The following PM20D2 variants were observed in gnomAD, a reference collection of about 807,000 sequenced individuals.
PM20D2 encodes xaa-Arg dipeptidase.
In PM20D2, 33 loss-of-function variants were observed where a neutral mutation model predicts 42.9. The observed-to-expected ratio is 0.77, with a 90% confidence interval of 0.58 to 1.03. PM20D2 has a LOEUF of 1.03. Among genes scored for constraint, PM20D2 ranks in the 50% least tolerant of loss-of-function variants. The probability of loss-of-function intolerance (pLI) is 0.00; values close to 1 mark genes in which losing one functional copy is unlikely to be tolerated. For missense variants in PM20D2, 548 were observed against 557.0 expected (o/e 0.98, Z 0.16); for synonymous variants, 250 against 228.2 (o/e 1.10, Z -0.86).
Position 89,149,452 on chromosome 6 carries a change from A to T in PM20D2, c.614+39A>T, listed in dbSNP as rs779832596. ...TTGAAGATAAACTTCTTAGGGGAACACAGGCTATAGAATACTTTTATGTCT... is the reference window on the plus strand; with the variant it reads ...TTGAAGATAAACTTCTTAGGGGAACTCAGGCTATAGAATACTTTTATGTCT... On this transcript the variant is annotated intron_variant, in intron 2 of 6. Transcript: ENST00000275072. 8 of 1,605,322 alleles carry T rather than the reference A, an allele frequency of 5.0e-6. No individual in the cohort carries two copies. In the South Asian group the frequency reaches 7.8e-5, roughly 16 times the overall value.
chr6:89,121,731 A>G, the PM20D2 span, among the ~76,000 whole-genome samples: 1 of 152,156 alleles, frequency 6.6e-6, no homozygotes, highest in African/African-American at 2.4e-5. Context: ...CTGTTCCCAT[A>G]ACAAAAGCCT....
rs1209776653 is a variant in PM20D2, at chr6:89,165,453, T to A, written c.*3190T>A. ...ATGGTGTATTTTGATATGTATGAAG[T>A]TAATATTTTCAAGTAAGCAATCAGT... On this transcript the variant is annotated 3_prime_UTR_variant, in exon 7 of 7. Transcript: ENST00000275072. 1 of 152,192 alleles carries A rather than the reference T, an allele frequency of 6.6e-6. No individual in the cohort carries two copies. The highest frequency in any genetic ancestry group is 2.4e-5 in the African/African-American group (1 of 41,458). 9.4% of individuals were successfully genotyped at this position (152,192 alleles called of 1,614,324 possible).
chr6:89,120,312 C>A, the PM20D2 span, among the ~76,000 whole-genome samples: 1 of 152,190 alleles, frequency 6.6e-6, no homozygotes, highest in African/African-American at 2.4e-5. Context: ...TTGGTTAATT[C>A]AGAATGATCT....
At chr6:89,144,780 G>C (rs1196131068), upstream of PM20D2, among the ~76,000 whole-genome samples, 1 of 151,540 alleles carries the variant, frequency 6.6e-6, no homozygotes, top group Non-Finnish European at 1.5e-5. Context: ...GTGGATACAG[G>C]GTAATTTTCT....
At chr6:89,161,955 T>C (rs1297193305) in intron 6 of PM20D2, 65 bp downstream of exon 6, 13 of 1,502,948 alleles carry the variant, frequency 8.6e-6, no homozygotes, top group East Asian at 2.3e-5. Context: ...GCTGCCTTTC[T>C]GTTTAACCTA....
chr6:89,123,066 A>T, the PM20D2 span, among the ~76,000 whole-genome samples: 1 of 152,236 alleles, frequency 6.6e-6, no homozygotes, highest in Non-Finnish European at 1.5e-5. Context: ...GAGGGATCAA[A>T]CTAACTTTTT....
chr6:89,127,317 G>A, the PM20D2 span, among the ~76,000 whole-genome samples: 2 of 147,682 alleles, frequency 1.4e-5, no homozygotes, highest in Admixed American at 6.9e-5. Flanking sequence ...GTTCACATCA[G>A]TACCTGTGAA....
the PM20D2 span, among the ~76,000 whole-genome samples, chr6:89,132,585 C>T: frequency 4.0e-5 from 6 of 151,310 alleles, no homozygotes; most frequent in Admixed American, 3.3e-4. Flanking sequence ...GTGGCTCACA[C>T]TTGTAATCCC....
At chr6:89,110,331 C>A in the PM20D2 span, among the ~76,000 whole-genome samples, 1 of 152,124 alleles carries the variant, frequency 6.6e-6, no homozygotes, top group Non-Finnish European at 1.5e-5. Context: ...CTCAAGCAAG[C>A]CACTCAAGTG....
At chr6:89,095,313 C>T in the PM20D2 span, among the ~76,000 whole-genome samples, 2 of 152,292 alleles carry the variant, frequency 1.3e-5, no homozygotes, top group Non-Finnish European at 2.9e-5. Flanking sequence ...GCAAACTCCA[C>T]CTTCCAGGTT....
chr6:89,105,704 C>G, the PM20D2 span: 43 of 428,250 alleles, frequency 1.0e-4, no homozygotes, highest in Middle Eastern at 1.2e-3. Flanking sequence ...CTCATGAAAA[C>G]AAATGACCCA....
At chr6:89,138,890 A>G in the PM20D2 span, among the ~76,000 whole-genome samples, 1 of 151,870 alleles carries the variant, frequency 6.6e-6, no homozygotes, top group African/African-American at 2.4e-5. Context: ...TAAATAAACA[A>G]ATAAATAAAT....
chr6:89,149,821 C>A (rs1276446711), intron 2 of PM20D2, among the ~76,000 whole-genome samples: 1 of 152,108 alleles, frequency 6.6e-6, no homozygotes, highest in African/African-American at 2.4e-5. Flanking sequence ...AATTTGAGTT[C>A]TTTGCAAAGA....
At chr6:89,130,681 A>G in the PM20D2 span, among the ~76,000 whole-genome samples, 1 of 152,062 alleles carries the variant, frequency 6.6e-6, no homozygotes. Flanking sequence ...GCTGGTCTCA[A>G]ACTCCTGAGC....
chr6:89,119,599 C>A, the PM20D2 span, among the ~76,000 whole-genome samples: 1 of 152,250 alleles, frequency 6.6e-6, no homozygotes, highest in South Asian at 2.1e-4. Context: ...GATTTGGTGG[C>A]CCGAAACAAC....
the PM20D2 span, among the ~76,000 whole-genome samples, chr6:89,135,664 C>CTA: frequency 6.6e-6 from 1 of 151,290 alleles, no homozygotes; most frequent in South Asian, 2.1e-4. Context: ...AGTTTGTACC[C>CTA]TATACGCAGT....
intron 2 of PM20D2, among the ~76,000 whole-genome samples, chr6:89,151,452 T>A (rs1770837404): frequency 6.6e-6 from 1 of 152,056 alleles, no homozygotes; most frequent in Non-Finnish European, 1.5e-5. Flanking sequence ...GGTCTTGAAC[T>A]CCTGACCTCA....
At chr6:89,107,379 A>G in the PM20D2 span, 4 of 722,252 alleles carry the variant, frequency 5.5e-6, no homozygotes, top group Non-Finnish European at 9.1e-6. Context: ...ATTATCTAAA[A>G]TTGTTTTTTG....
chr6:89,146,914 G>C (rs1178513372), intron 1 of PM20D2, among the ~76,000 whole-genome samples: 1 of 152,220 alleles, frequency 6.6e-6, no homozygotes, highest in Admixed American at 6.5e-5. Flanking sequence ...CCTGGTGTTT[G>C]TTACGGGTTA....
Sources: allele counts gnomAD v4.1 joint callset (sites outside exome capture counted in the v4.1 genomes callset), GRCh38; gene constraint gnomAD v4.1.1; transcripts MANE v1.5; gene names NCBI Gene and HGNC (gene_info 2026-07-23, HGNC 2026-07-21).